Variants in CADM1 observed in about 807,000 individuals in gnomAD.
CADM1 encodes the protein cell adhesion molecule 1, also known as TSLC-1.
CADM1 carries 15 observed loss-of-function variants against 53.1 expected under a neutral mutation model. The observed-to-expected ratio is 0.28, with a 90% CI of 0.19 to 0.44. CADM1 has a LOEUF of 0.44. Among genes scored for constraint, CADM1 ranks in the 20% least tolerant of loss-of-function variants. CADM1 has a pLI of 1.00. For missense variants in CADM1, 434 were observed against 611.3 expected (o/e 0.71, Z 3.06); for synonymous variants, 281 against 243.0 (o/e 1.16, Z -1.45).
At chr11:115,327,960 A>G (rs1365690873) in intron 1 of CADM1, among the ~76,000 whole-genome samples, 2 of 152,116 alleles carry the variant, frequency 1.3e-5, no homozygotes, top group Non-Finnish European at 1.5e-5. Context: ...TCTTACACTC[A>G]GTATTTTTTT....
At chr11:115,354,682 G>A (rs1053474295) in intron 1 of CADM1, among the ~76,000 whole-genome samples, 2 of 152,166 alleles carry the variant, frequency 1.3e-5, no homozygotes, top group African/African-American at 4.8e-5. Context: ...GAGGTCATGG[G>A]AAAGAGCCAA....
chr11:115,447,640 C>T (rs955843118), intron 1 of CADM1, among the ~76,000 whole-genome samples: 4 of 152,226 alleles, frequency 2.6e-5, no homozygotes, highest in Non-Finnish European at 5.9e-5. Flanking sequence ...TCTCCAGGTA[C>T]ACACAGATTC....
chr11:115,354,707 C>T (rs1945819733), intron 1 of CADM1, among the ~76,000 whole-genome samples: 1 of 152,144 alleles, frequency 6.6e-6, no homozygotes, highest in Non-Finnish European at 1.5e-5. Context: ...ATGTATATCA[C>T]ATATATCTCT....
At chr11:115,439,022 G>A (rs1488123805) in intron 1 of CADM1, among the ~76,000 whole-genome samples, 1 of 152,188 alleles carries the variant, frequency 6.6e-6, no homozygotes, top group East Asian at 1.9e-4. Flanking sequence ...TATCATCAGA[G>A]AACCCACTCT....
At chr11:115,268,478 C>G (rs1243939534) in intron 1 of CADM1, among the ~76,000 whole-genome samples, 2 of 152,088 alleles carry the variant, frequency 1.3e-5, no homozygotes, top group African/African-American at 4.8e-5. Flanking sequence ...AGTCTTAAAG[C>G]TACCTATTTG....
intron 1 of CADM1, among the ~76,000 whole-genome samples, chr11:115,400,342 T>G (rs1260874385): frequency 6.8e-6 from 1 of 147,472 alleles, no homozygotes; most frequent in Non-Finnish European, 1.5e-5. Flanking sequence ...AGAAACAGAA[T>G]AGAATAAAAC....
intron 1 of CADM1, among the ~76,000 whole-genome samples, chr11:115,426,813 C>T (rs991254302): frequency 6.6e-6 from 1 of 152,010 alleles, no homozygotes; most frequent in Admixed American, 6.6e-5. Flanking sequence ...TGGGTCTCTG[C>T]CATTCACAGG....
intron 1 of CADM1, among the ~76,000 whole-genome samples, chr11:115,296,760 G>A (rs1944088963): frequency 6.6e-6 from 1 of 152,120 alleles, no homozygotes. Flanking sequence ...AATGAGACAA[G>A]TACCATGCCG....
chr11:115,217,703 C>T (rs994274823), intron 6 of CADM1, among the ~76,000 whole-genome samples, 189 bp downstream of exon 6: 6 of 152,152 alleles, frequency 3.9e-5, no homozygotes, highest in African/African-American at 1.4e-4. Flanking sequence ...TAATTTTTCT[C>T]CCAGTCCTGA....
At chr11:115,481,610 A>G (rs1949258566) in intron 1 of CADM1, among the ~76,000 whole-genome samples, 1 of 152,168 alleles carries the variant, frequency 6.6e-6, no homozygotes, top group Non-Finnish European at 1.5e-5. Flanking sequence ...CAACTTCTGC[A>G]GGGTCAAGCA....
chr11:115,490,651 G>A (rs1275768641), intron 1 of CADM1, among the ~76,000 whole-genome samples: 7 of 152,156 alleles, frequency 4.6e-5, no homozygotes, highest in Admixed American at 2.6e-4. Flanking sequence ...GCCCACCTGG[G>A]CCTCCCAAAG....
chr11:115,459,035 T>C (rs1948739518), intron 1 of CADM1, among the ~76,000 whole-genome samples: 1 of 152,204 alleles, frequency 6.6e-6, no homozygotes, highest in Non-Finnish European at 1.5e-5. Context: ...AACATGTGCA[T>C]GGATTCATGA....
Position 115,176,290 on chromosome 11 carries a change from CAG to C in CADM1, c.*182_*183del. ...AAACGAAAAAAGAGGTGTCAAACAGCAGAGTGTACTTTCCAAAGAACATTTTT... is the reference window on the plus strand; with the variant it reads ...AAACGAAAAAAGAGGTGTCAAACAGCAGTGTACTTTCCAAAGAACATTTTT... On this transcript the variant is annotated 3_prime_UTR_variant, in exon 12 of 12. Transcript: ENST00000331581. 3.5e-6 allele frequency: 5 copies of C among 1,429,776 alleles called. No homozygotes were observed. The highest frequency in any genetic ancestry group is 4.6e-6 in the Non-Finnish European group (5 of 1,088,688). The allele number at this position is 1,429,776 out of a possible 1,614,324, so 88.6% of individuals were successfully genotyped here.
At chr11:115,430,665 A>G (rs1225547513) in intron 1 of CADM1, among the ~76,000 whole-genome samples, 2 of 152,204 alleles carry the variant, frequency 1.3e-5, no homozygotes, top group African/African-American at 2.4e-5. Context: ...TTATCTCAAT[A>G]TTTCATGTTT....
intron 1 of CADM1, among the ~76,000 whole-genome samples, chr11:115,357,372 T>C (rs1328088487): frequency 6.6e-6 from 1 of 152,178 alleles, no homozygotes; most frequent in Non-Finnish European, 1.5e-5. Flanking sequence ...GTTTTAAATG[T>C]TTACTGAAGT....
intron 1 of CADM1, 147 bp from the exon 2 acceptor site, chr11:115,240,567 C>A (rs1565318853): frequency 2.0e-5 from 16 of 819,266 alleles, no homozygotes; most frequent in Non-Finnish European, 2.6e-5. Flanking sequence ...TCTTTGTAGT[C>A]TACAAAACGA....
intron 7 of CADM1, among the ~76,000 whole-genome samples, chr11:115,213,406 G>A (rs1214376888): frequency 6.6e-6 from 1 of 152,112 alleles, no homozygotes; most frequent in East Asian, 1.9e-4. Flanking sequence ...GGACAACATT[G>A]GTAGTGCGTA....
At chr11:115,294,878 A>G (rs1944007621) in intron 1 of CADM1, among the ~76,000 whole-genome samples, 1 of 152,104 alleles carries the variant, frequency 6.6e-6, no homozygotes, top group Non-Finnish European at 1.5e-5. Context: ...CTACTAAAAA[A>G]AATACAAAAA....
chr11:115,429,554 C>T (rs1947987020), intron 1 of CADM1, among the ~76,000 whole-genome samples: 1 of 148,366 alleles, frequency 6.7e-6, no homozygotes. Context: ...GAGTTGAGAT[C>T]GTGCCATTGC....
Sources: allele counts gnomAD v4.1 joint callset (sites outside exome capture counted in the v4.1 genomes callset), GRCh38; gene constraint gnomAD v4.1.1; transcripts MANE v1.5; gene names NCBI Gene and HGNC (gene_info 2026-07-23, HGNC 2026-07-21).